Variants in LRRC69 observed in about 807,000 individuals in gnomAD.
The protein encoded by LRRC69 is leucine rich repeat containing 69.
Under a neutral mutation model 37.8 loss-of-function variants are expected in LRRC69, and 42 were observed. That is an observed-to-expected ratio of 1.11 (90% CI 0.87 to 1.44). LRRC69 has a LOEUF of 1.44. Ranked by LOEUF, LRRC69 falls within the 40% of genes most tolerant of loss-of-function variation. LRRC69 has a pLI of 0.00. For missense variants in LRRC69, 357 were observed against 401.9 expected, an observed-to-expected ratio of 0.89 and a Z score of 0.96; for synonymous variants, 141 against 143.1, an observed-to-expected ratio of 0.99 and a Z score of 0.11.
chr8:91,135,388 A>G (rs1380237859), intron 4 of LRRC69, among the ~76,000 whole-genome samples: 2 of 152,204 alleles, frequency 1.3e-5, no homozygotes, highest in South Asian at 2.1e-4. Context: ...GCCCATAGTT[A>G]TAGTACCTGC....
chr8:91,130,066 A>G (rs1182380219), intron 3 of LRRC69, among the ~76,000 whole-genome samples: 1 of 151,944 alleles, frequency 6.6e-6, no homozygotes, highest in Non-Finnish European at 1.5e-5. Context: ...AAATTTCCTC[A>G]TACACCCTTC....
intron 1 of LRRC69, among the ~76,000 whole-genome samples, chr8:91,114,455 G>GTGTGTGTGTGTATA (rs142337818): frequency 2.7e-4 from 41 of 151,086 alleles, no homozygotes; most frequent in South Asian, 1.7e-3. Flanking sequence ...GTGTGTGTGT[G>GTGTGTGTGTGTATA]TATATATATA....
chr8:91,198,246 T>G (rs1029131120), intron 6 of LRRC69, among the ~76,000 whole-genome samples: 4 of 152,196 alleles, frequency 2.6e-5, no homozygotes, highest in African/African-American at 4.8e-5. Flanking sequence ...TTTTATGTAA[T>G]TTAATTCTCC....
At chr8:91,150,895 G>A (rs1173667887) in intron 5 of LRRC69, among the ~76,000 whole-genome samples, 2 of 151,958 alleles carry the variant, frequency 1.3e-5, no homozygotes, top group East Asian at 3.9e-4. Context: ...AGTATTCTCT[G>A]ATGGTAGTTT....
chr8:91,161,389 A>AAAC (rs1158654977), intron 5 of LRRC69, among the ~76,000 whole-genome samples: 2 of 151,154 alleles, frequency 1.3e-5, no homozygotes, highest in Non-Finnish European at 3.0e-5. Context: ...TAAAAGTTTG[A>AAAC]TAGAATTTAG....
chr8:91,138,156 G>C (rs1253804986), intron 5 of LRRC69, among the ~76,000 whole-genome samples: 3 of 151,910 alleles, frequency 2.0e-5, no homozygotes, highest in Non-Finnish European at 2.9e-5. Context: ...TCCAGGAATA[G>C]AAACTATTAT....
intron 1 of LRRC69, among the ~76,000 whole-genome samples, chr8:91,111,770 C>A (rs1813413532): frequency 6.6e-6 from 1 of 151,720 alleles, no homozygotes; most frequent in Admixed American, 6.6e-5. Flanking sequence ...AGGAAAAATA[C>A]CTAATGGCTA....
intron 5 of LRRC69, among the ~76,000 whole-genome samples, chr8:91,169,689 A>C (rs1809093209): frequency 1.0e-5 from 1 of 96,226 alleles, no homozygotes; most frequent in African/African-American, 5.0e-5. Context: ...CCACCCCACA[A>C]CAGTCCCCAG....
At chr8:91,126,674 T>C (rs1813720863) in intron 2 of LRRC69, among the ~76,000 whole-genome samples, 2 of 151,828 alleles carry the variant, frequency 1.3e-5, no homozygotes, top group Admixed American at 6.6e-5. Context: ...TATGAGTACA[T>C]AGAAAAATAG....
At chr8:91,208,946 T>C (rs187072574) in intron 7 of LRRC69, among the ~76,000 whole-genome samples, 105 of 152,340 alleles carry the variant, frequency 6.9e-4, no homozygotes, top group South Asian at 2.1e-4. Context: ...TTCTACACTA[T>C]TCTCTGGGCA....
At chr8:91,122,863 T>C (rs1413943273) in intron 1 of LRRC69, among the ~76,000 whole-genome samples, 2 of 152,020 alleles carry the variant, frequency 1.3e-5, no homozygotes, top group Non-Finnish European at 2.9e-5. Context: ...ATCCTCTGAA[T>C]GTGTTAGGTT....
intron 7 of LRRC69, among the ~76,000 whole-genome samples, chr8:91,215,968 T>A (rs1810038625): frequency 6.6e-6 from 1 of 152,190 alleles, no homozygotes. Flanking sequence ...GAGAATTTCA[T>A]GTTATGCAAA....
At chr8:91,197,424 G>A (rs1309415201) in intron 6 of LRRC69, among the ~76,000 whole-genome samples, 1 of 152,156 alleles carries the variant, frequency 6.6e-6, no homozygotes, top group African/African-American at 2.4e-5. Context: ...GGCCAATGGC[G>A]GGCGCCCCTC....
At chr8:91,208,410 A>G (rs1404433723) in intron 7 of LRRC69, among the ~76,000 whole-genome samples, 1 of 152,210 alleles carries the variant, frequency 6.6e-6, no homozygotes, top group Non-Finnish European at 1.5e-5. Flanking sequence ...GGGCAATATT[A>G]TTAAAAGGTG....
At chr8:91,109,226 G>T (rs1213533395) in intron 1 of LRRC69, among the ~76,000 whole-genome samples, 1 of 152,060 alleles carries the variant, frequency 6.6e-6, no homozygotes, top group Non-Finnish European at 1.5e-5. Flanking sequence ...TTGAACCCCT[G>T]CTGGAAATGC....
chr8:91,167,847 C>T (rs528553743), intron 5 of LRRC69, among the ~76,000 whole-genome samples: 38 of 151,840 alleles, frequency 2.5e-4, no homozygotes, highest in Non-Finnish European at 4.9e-4. Flanking sequence ...TTTTAAGAGA[C>T]GATGTTCCCT....
Position 91,157,856 on chromosome 8 carries a change from A to T in LRRC69, c.651+22117A>T. 1.9e-6 allele frequency: 3 copies of T among 1,603,668 alleles called. No individual in the cohort carries two copies. In the South Asian group the frequency reaches 3.3e-5, roughly 18 times the overall value. ...GGAGCTGCATCATTTACAAGAGCAG[A>T]ATGTTTCAAATGCATTTTTAGATAA... On this transcript the variant is annotated intron_variant, in intron 5 of 7. Transcript: ENST00000448384.
chr8:91,147,628 GA>G (rs1808645451), intron 5 of LRRC69, among the ~76,000 whole-genome samples: 2 of 151,534 alleles, frequency 1.3e-5, no homozygotes, highest in Admixed American at 1.3e-4. Flanking sequence ...TTTTTCTTTT[GA>G]AATAATTGGA....
intron 6 of LRRC69, among the ~76,000 whole-genome samples, chr8:91,190,733 T>A (rs530188693): frequency 6.6e-6 from 1 of 152,178 alleles, no homozygotes; most frequent in Non-Finnish European, 1.5e-5. Context: ...AAATTATTAA[T>A]AATTTTCTGG....
Sources: gnomAD v4.1 joint callset for allele counts (sites outside exome capture counted in the v4.1 genomes callset) on GRCh38, gnomAD v4.1.1 for gene constraint, MANE v1.5 for transcripts, NCBI Gene and HGNC (gene_info 2026-07-23, HGNC 2026-07-21) for gene names.